The following DMD variants were observed in gnomAD, a reference collection of about 807,000 sequenced individuals.
DMD encodes mutant dystrophin.
Under a neutral mutation model 330.1 loss-of-function variants are expected in DMD, and 63 were observed. The ratio of observed to expected loss-of-function variants is 0.19; its 90% CI spans 0.16 to 0.24. The LOEUF is 0.24. DMD is among the 10% of genes least tolerant of loss of function. The pLI is 1.00. For missense variants in DMD, 3,344 were observed against 2,684.1 expected (o/e 1.25, Z -5.43); for synonymous variants, 1,223 against 959.8 (o/e 1.27, Z -5.07).
At chrX:32,017,816 A>G (rs183304093) in intron 44 of DMD, among the ~76,000 whole-genome samples, 22 of 112,056 alleles carry the variant, frequency 2.0e-4, no homozygotes, top group African/African-American at 6.2e-4. Flanking sequence ...ACATCCTTCA[A>G]AATTATTGGA....
Position 32,174,882 on chromosome X carries a change from T to C in DMD, c.6438+42034A>G, listed in dbSNP as rs146278244. ...GGATATACTTCCTGGCAACACGCAATGTTAGAAACCTAGAAATATGTCTGC... is the reference window on the plus strand; with the variant it reads ...GGATATACTTCCTGGCAACACGCAACGTTAGAAACCTAGAAATATGTCTGC... On this transcript the variant is annotated intron_variant, in intron 44 of 78. Coordinates refer to ENST00000357033, the MANE Select transcript of DMD (RefSeq NM_004006.3). Among the ~76,000 whole-genome samples, 583 of 111,495 alleles carry C rather than the reference T, an allele frequency of 5.2e-3. 4 individuals are homozygous for C. The highest frequency in any genetic ancestry group is 0.018 in the African/African-American group (557 of 30,645).
intron 2 of DMD, among the ~76,000 whole-genome samples, chrX:32,894,771 A>T (rs5972704): frequency 0.38 from 41,959 of 110,775 alleles, 5,764 homozygotes; most frequent in East Asian, 0.67. Flanking sequence ...TGCATTTACC[A>T]TATACTTGAT....
At chrX:31,140,200 G>A (rs973607650) in intron 76 of DMD, among the ~76,000 whole-genome samples, 1 of 112,667 alleles carries the variant, frequency 8.9e-6, no homozygotes, top group African/African-American at 3.2e-5. Context: ...TGATTCAAAC[G>A]CTGATAATGG....
chrX:31,792,113 A>G (rs998381605), intron 50 of DMD, among the ~76,000 whole-genome samples: 1 of 111,916 alleles, frequency 8.9e-6, no homozygotes, highest in African/African-American at 3.2e-5. Flanking sequence ...CCAGTACATG[A>G]AATTAGTACT....
chrX:32,586,066 C>T (rs1338028675), intron 13 of DMD, among the ~76,000 whole-genome samples: 1 of 111,255 alleles, frequency 9.0e-6, no homozygotes, highest in Non-Finnish European at 1.9e-5. Flanking sequence ...ATACTTGATA[C>T]AATGTGCAGT....
At chrX:33,274,939 G>A (rs1019062403) in intron 1 of DMD, among the ~76,000 whole-genome samples, 2 of 111,630 alleles carry the variant, frequency 1.8e-5, no homozygotes, top group African/African-American at 6.5e-5. Context: ...GCTGGCCCCT[G>A]ACATGGGCAA....
At chrX:32,127,704 A>T (rs775908634) in intron 44 of DMD, among the ~76,000 whole-genome samples, 34 of 112,173 alleles carry the variant, frequency 3.0e-4, no homozygotes, top group African/African-American at 1.1e-3. Context: ...GCATTCCGAT[A>T]AATAAATTTT....
intron 59 of DMD, among the ~76,000 whole-genome samples, chrX:31,445,676 A>G (rs1345683387): frequency 9.0e-6 from 1 of 111,653 alleles, no homozygotes; most frequent in East Asian, 2.8e-4. Flanking sequence ...CCTTGTAGCA[A>G]TGACTTCAGA....
intron 20 of DMD, among the ~76,000 whole-genome samples, chrX:32,485,995 C>A (rs1054521144): frequency 9.1e-6 from 1 of 110,001 alleles, no homozygotes; most frequent in South Asian, 3.9e-4. Context: ...CCCACCTTGG[C>A]CTCCCAAAGT....
intron 62 of DMD, chrX:31,261,637 A>T (rs915354189): frequency 8.9e-6 from 1 of 112,640 alleles, no homozygotes; most frequent in African/African-American, 3.3e-5. Context: ...TACGCTATAC[A>T]CCACTACACC....
At chrX:32,079,857 C>T (rs904700909) in intron 44 of DMD, among the ~76,000 whole-genome samples, 3 of 111,659 alleles carry the variant, frequency 2.7e-5, no homozygotes, top group African/African-American at 9.8e-5. Flanking sequence ...CCAGTGCGCC[C>T]AAAATTGCAC....
rs377223643 is a variant in DMD, at chrX:32,573,850, G to T, written c.1603-4C>A. The T allele has an allele frequency of 3.7e-5, 44 of 1,192,068 alleles. No homozygotes were observed. In the African/African-American group the frequency reaches 7.4e-4, roughly 20 times the overall value. On this transcript the variant is annotated splice_polypyrimidine_tract_variant and splice_region_variant and intron_variant, in intron 13 of 78. Coordinates refer to ENST00000357033, the MANE Select transcript of DMD (RefSeq NM_004006.3). ...TTGCCCATCGATCTCCCAATACCTG[G>T]AGAAGAGACAATCAAGCACAGCATC...
chrX:33,289,617 A>G (rs2053484737), intron 1 of DMD, among the ~76,000 whole-genome samples: 1 of 111,795 alleles, frequency 8.9e-6, no homozygotes, highest in Non-Finnish European at 1.9e-5. Context: ...AGACATTTTG[A>G]TATCTGTCAA....
At chrX:32,887,204 G>T (rs1222860821) in intron 2 of DMD, among the ~76,000 whole-genome samples, 16 of 108,776 alleles carry the variant, frequency 1.5e-4, no homozygotes, top group African/African-American at 5.4e-4. Context: ...AAAATTAGCC[G>T]GGCGTGCTGA....
intron 52 of DMD, among the ~76,000 whole-genome samples, chrX:31,719,328 C>T (rs962470060): frequency 4.5e-5 from 5 of 112,202 alleles, no homozygotes; most frequent in African/African-American, 1.3e-4. Context: ...GAAGGACATT[C>T]TTATGTATTT....
chrX:32,396,321 T>A (rs905231398), intron 30 of DMD, among the ~76,000 whole-genome samples: 1 of 111,485 alleles, frequency 9.0e-6, no homozygotes, highest in Non-Finnish European at 1.9e-5. Flanking sequence ...CTAAAATTAT[T>A]AACATTGAAA....
intron 47 of DMD, among the ~76,000 whole-genome samples, chrX:31,881,736 T>C (rs1056009149): frequency 8.9e-6 from 1 of 112,543 alleles, no homozygotes; most frequent in Non-Finnish European, 1.9e-5. Context: ...AGCAATATGC[T>C]GTACCATATA....
At chrX:31,206,489 T>A in intron 66 of DMD, 93 bp downstream of exon 66, 1 of 794,466 alleles carries the variant, frequency 1.3e-6, no homozygotes, top group Non-Finnish European at 1.9e-6. Context: ...AGGAATCTGC[T>A]GTCAAATAAG....
At chrX:31,480,195 T>C (rs1037858097) in intron 57 of DMD, among the ~76,000 whole-genome samples, 1 of 111,984 alleles carries the variant, frequency 8.9e-6, no homozygotes, top group Non-Finnish European at 1.9e-5. Flanking sequence ...TTAGCAGTAT[T>C]CTTCCTTGAA....
Sources: gnomAD v4.1 joint callset for allele counts (sites outside exome capture counted in the v4.1 genomes callset) on GRCh38, gnomAD v4.1.1 for gene constraint, MANE v1.5 for transcripts, NCBI Gene and HGNC (gene_info 2026-07-23, HGNC 2026-07-21) for gene names.